Variants in DOT1L observed in about 807,000 individuals in gnomAD.
DOT1L encodes the protein DOT1 like histone lysine methyltransferase.
In DOT1L, 33 loss-of-function variants were observed where a neutral mutation model predicts 153.3. The ratio of observed to expected loss-of-function variants is 0.22; its 90% confidence interval spans 0.16 to 0.29. DOT1L has a LOEUF of 0.29. Among genes scored for constraint, DOT1L ranks in the 10% least tolerant of loss-of-function variants. DOT1L has a pLI of 1.00. For missense variants in DOT1L, 1,847 were observed against 2,119.9 expected (o/e 0.87, Z 2.53); for synonymous variants, 1,135 against 965.1 (o/e 1.18, Z -3.26).
At chr19:2,199,850 G>C in intron 7 of DOT1L, 34 bp from the exon 8 acceptor site, 1 of 1,606,672 alleles carries the variant, frequency 6.2e-7, no homozygotes, top group East Asian at 2.2e-5. Flanking sequence ...CAGGGAGGCC[G>C]GGGGTCCGCG....
Position 2,210,789 on chromosome 19 carries a change from A to G in DOT1L, c.1285A>G (p.Asn429Asp), listed in dbSNP as rs2144833056. 1.2e-6 allele frequency: 2 copies of G among 1,612,966 alleles called. No individual in the cohort carries two copies. Among genetic ancestry groups the G allele is most frequent in the Non-Finnish European group, 1.7e-6 (2 of 1,179,988 alleles). Residue 429 changes from asparagine (N) to aspartate (D), a missense_variant, in exon 14 of 28, where the codon AAC (asparagine) becomes GAC (aspartate). Asn to Asp is a conservative substitution (Grantham distance 23, BLOSUM62 1). Coordinates refer to ENST00000398665, the MANE Select transcript of DOT1L (RefSeq NM_032482.3). ...GAACCCCGAGCGGAAGCCCAAGAAG[A>G]ACCAAACTGCACTGGATGCCCTGCA... ...TANPERKPKKNQTALDALHAQ... is the reference protein window; with the variant it reads ...TANPERKPKKDQTALDALHAQ...
intron 1 of DOT1L, among the ~76,000 whole-genome samples, chr19:2,175,910 G>A (rs1477577844): frequency 6.6e-6 from 1 of 152,172 alleles, no homozygotes; most frequent in Non-Finnish European, 1.5e-5. Flanking sequence ...CTGGAAGCCA[G>A]CACTGGGCTC....
chr19:2,211,972 G>T, intron 16 of DOT1L, 130 bp downstream of exon 16: 1 of 806,352 alleles, frequency 1.2e-6, no homozygotes. Flanking sequence ...CTGCTCACCT[G>T]CTGCGAGAAA....
At chr19:2,176,615 G>T (rs970783992) in intron 1 of DOT1L, among the ~76,000 whole-genome samples, 2 of 152,224 alleles carry the variant, frequency 1.3e-5, no homozygotes, top group Non-Finnish European at 2.9e-5. Flanking sequence ...GCCTGCGCCT[G>T]TGAGAAGCGC....
intron 1 of DOT1L, chr19:2,164,616 G>T (rs1402490628): frequency 5.1e-6 from 1 of 194,438 alleles, no homozygotes; most frequent in African/African-American, 2.4e-5. Context: ...CGTTCCCGGC[G>T]CTGTCAGTGT....
intron 24 of DOT1L, 74 bp from the exon 25 acceptor site, chr19:2,223,206 TG>T: frequency 6.5e-7 from 1 of 1,537,576 alleles, no homozygotes; most frequent in Non-Finnish European, 8.9e-7. Context: ...AGGAGCCTCC[TG>T]GGGCGGGGGG....
chr19:2,199,271 C>T (rs912812930), intron 7 of DOT1L, among the ~76,000 whole-genome samples: 97 of 152,216 alleles, frequency 6.4e-4, no homozygotes, highest in African/African-American at 2.3e-3. Context: ...CTGCTGTTAG[C>T]AGGCCGTCAG....
At chr19:2,224,799 C>A (rs1414354210) in intron 25 of DOT1L, among the ~76,000 whole-genome samples, 1 of 152,220 alleles carries the variant, frequency 6.6e-6, no homozygotes, top group African/African-American at 2.4e-5. Context: ...CTGCTCCTTG[C>A]CCACGTGTGC....
chr19:2,164,958 T>C (rs2019852569), intron 1 of DOT1L, among the ~76,000 whole-genome samples: 1 of 152,214 alleles, frequency 6.6e-6, no homozygotes. Context: ...AGGATTGGGC[T>C]CACCCCCGGA....
chr19:2,216,456 C>T lies in DOT1L; in HGVS notation c.2099C>T (p.Ser700Leu), dbSNP rs754139005. 5.5e-5 allele frequency: 89 copies of T among 1,612,544 alleles called. No individual in the cohort carries two copies. Among genetic ancestry groups the T allele is most frequent in the Non-Finnish European group, 7.0e-5 (83 of 1,179,944 alleles). Residue 700 changes from serine (S) to leucine (L), a missense_variant, in exon 20 of 28, where the codon TCG becomes TTG. Physicochemically the swap from Ser to Leu is moderately radical, Grantham distance 145. Transcript: ENST00000398665. ...CTGGAGCTGGACTGCACCAAGTTCT[C>T]GCTGCCTCACTTGAGCAGCATGAGC... ...LHLELDCTKF[S>L]LPHLSSMSPE...
At chr19:2,181,151 G>A (rs1381258315) in intron 2 of DOT1L, among the ~76,000 whole-genome samples, 1 of 152,232 alleles carries the variant, frequency 6.6e-6, no homozygotes, top group African/African-American at 2.4e-5. Context: ...GGCGGAGGCC[G>A]TCCTGTCCTC....
intron 17 of DOT1L, 96 bp downstream of exon 17, chr19:2,213,736 A>G (rs1351371796): frequency 1.0e-5 from 16 of 1,601,556 alleles, no homozygotes; most frequent in African/African-American, 2.7e-5. Flanking sequence ...CTTCCTGTCT[A>G]TGCCTCTGTC....
At chr19:2,202,908 G>A (rs1174003561) in intron 9 of DOT1L, 129 bp downstream of exon 9, 2 of 831,938 alleles carry the variant, frequency 2.4e-6, no homozygotes, top group East Asian at 2.5e-5. Flanking sequence ...GGAGCCAGGT[G>A]GTCTTCCTTT....
intron 1 of DOT1L, among the ~76,000 whole-genome samples, chr19:2,175,055 G>A (rs143581719): frequency 6.6e-6 from 1 of 150,918 alleles, no homozygotes; most frequent in African/African-American, 2.4e-5. Context: ...CTGGAGTGCA[G>A]TGGCGCCATC....
At position 2,217,965 on chromosome 19, in the gene DOT1L, AAC is replaced by A; in HGVS notation, c.2691+49_2691+50del. 1 of 1,597,916 alleles carries A rather than the reference AAC, an allele frequency of 6.3e-7. No individual in the cohort carries two copies. Among genetic ancestry groups the A allele is most frequent in the Non-Finnish European group, 8.5e-7 (1 of 1,175,070 alleles). ...GTCCCCAAGGGCCACGTTGAGGCAA[AAC>A]AGTCTGGGGTGCTCGAGACCTGGCT... is the stretch of plus-strand genomic sequence containing the variant. On this transcript the variant is annotated intron_variant, in intron 22 of 27. Coordinates refer to ENST00000398665, the MANE Select transcript of DOT1L (RefSeq NM_032482.3). This position sits in a 1 kb window ranked among gnomAD's most constrained non-coding sequence, Gnocchi z 7.3.
chr19:2,206,067 A>G (rs1305269490), intron 9 of DOT1L, among the ~76,000 whole-genome samples: 2 of 148,756 alleles, frequency 1.3e-5, no homozygotes, highest in Admixed American at 6.7e-5. Flanking sequence ...CGCGATCTCG[A>G]CTCACTTGCA....
rs1009238485 is a variant in DOT1L, at chr19:2,165,026, G to A, written c.81+761G>A. 2.0e-5 allele frequency among the ~76,000 whole-genome samples: 3 copies of A among 152,220 alleles called. 1 individual carries two copies. The highest frequency in any genetic ancestry group is 1.3e-4 in the Admixed American group (2 of 15,284). On this transcript the variant is annotated intron_variant, in intron 1 of 27. Transcript: ENST00000398665. ...CCGTTGGAAAATGACAGGCCGGGTGGAATGTTACAGAGGCACCCCACCGGG... is the reference window on the plus strand; with the variant it reads ...CCGTTGGAAAATGACAGGCCGGGTGAAATGTTACAGAGGCACCCCACCGGG...
At chr19:2,223,744 C>G (rs540468902) in intron 25 of DOT1L, among the ~76,000 whole-genome samples, 1 of 152,344 alleles carries the variant, frequency 6.6e-6, no homozygotes, top group African/African-American at 2.4e-5. Context: ...TGAGGAGGAG[C>G]TGAGCGCAGC....
At chr19:2,166,143 C>CTGGA (rs1407703865) in intron 1 of DOT1L, among the ~76,000 whole-genome samples, 1 of 151,830 alleles carries the variant, frequency 6.6e-6, no homozygotes, top group Non-Finnish European at 1.5e-5. Context: ...GTTGCCCAGG[C>CTGGA]TGGAGTGCAA....
Sources: gnomAD v4.1 joint callset for allele counts (sites outside exome capture counted in the v4.1 genomes callset) on GRCh38, gnomAD v4.1.1 for gene constraint, Gnocchi (gnomAD v3.1) non-coding constraint, MANE v1.5 for transcripts, NCBI Gene and HGNC (gene_info 2026-07-23, HGNC 2026-07-21) for gene names.